The following RABGAP1 variants were observed in gnomAD, a reference collection of about 807,000 sequenced individuals.
RABGAP1 encodes RAB GTPase activating protein 1, also known as rab GTPase-activating protein 1.
Under a neutral mutation model 137.6 loss-of-function variants are expected in RABGAP1, and 23 were observed. The ratio of observed to expected loss-of-function variants is 0.17; its 90% CI spans 0.12 to 0.24. The LOEUF (loss-of-function observed/expected upper bound fraction) is 0.24. Ranked by LOEUF, RABGAP1 falls within the 10% of genes least tolerant of loss-of-function variation. The pLI is 1.00. For synonymous variants in RABGAP1, 451 were observed against 450.7 expected (o/e 1.00, Z -0.01); for missense variants, 906 against 1,275.8 (o/e 0.71, Z 4.42).
intron 2 of RABGAP1, among the ~76,000 whole-genome samples, chr9:122,971,396 C>T (rs1835465052): frequency 6.6e-6 from 1 of 152,140 alleles, no homozygotes; most frequent in African/African-American, 2.4e-5. Flanking sequence ...CATGGTATTT[C>T]CCCAGATAAC....
At chr9:122,971,194 C>G (rs1835451630) in intron 2 of RABGAP1, among the ~76,000 whole-genome samples, 1 of 152,192 alleles carries the variant, frequency 6.6e-6, no homozygotes, top group Non-Finnish European at 1.5e-5. Context: ...CATAAGGAAA[C>G]TTACATTTCT....
intron 3 of RABGAP1, 114 bp downstream of exon 3, chr9:122,984,833 G>A (rs1047321666): frequency 1.4e-5 from 13 of 909,606 alleles, no homozygotes; most frequent in Non-Finnish European, 2.0e-5. Context: ...ACAAAAACAG[G>A]CAAAAACATT....
intron 2 of RABGAP1, among the ~76,000 whole-genome samples, chr9:122,975,730 T>C (rs1219737758): frequency 6.6e-6 from 1 of 152,140 alleles, no homozygotes; most frequent in Non-Finnish European, 1.5e-5. Context: ...GGTGTGAGAG[T>C]TAAATGAGAT....
intron 13 of RABGAP1, among the ~76,000 whole-genome samples, chr9:123,051,216 GTTTTTTTTTTTTTTT>G (rs552457119): frequency 0.17 from 5,679 of 34,252 alleles, 1,311 homozygotes; most frequent in East Asian, 0.43. Context: ...ATTCACCTTG[GTTTTTTTTTTTTTTT>G]TTTTTTTTTT....
chr9:123,035,293 C>A (rs148221592), intron 13 of RABGAP1: 1 of 1,614,148 alleles, frequency 6.2e-7, no homozygotes, highest in Non-Finnish European at 8.5e-7. Context: ...TGGGGAAGTG[C>A]AGGCCTGTCC....
rs1210769327 is a variant in RABGAP1 at position 123,074,299 on chromosome 9, C to G, written c.2124C>G (p.Asp708Glu). 2.5e-6 allele frequency: 4 copies of G among 1,613,802 alleles called. No individual in the cohort carries two copies. Among genetic ancestry groups the G allele is most frequent in the Admixed American group, 3.3e-5 (2 of 60,000 alleles). ...TGCTATTTCAGGAATACATTCCTGA[C>G]CTGTACAACCACTTCCTGGATATAA... ...LERLMQEYIP[D>E]LYNHFLDISL... Residue 708 changes from aspartate (D) to glutamate (E), a missense_variant, in exon 17 of 26, where the codon GAC (aspartate) becomes GAG (glutamate). By Grantham distance (45) the Asp-to-Glu change is conservative (BLOSUM62 2). Coordinates refer to ENST00000373647, the MANE Select transcript of RABGAP1 (RefSeq NM_012197.4).
chr9:122,961,945 C>T (rs538767561), intron 2 of RABGAP1, among the ~76,000 whole-genome samples: 3 of 151,956 alleles, frequency 2.0e-5, no homozygotes, highest in East Asian at 1.9e-4. Context: ...AAACCAGAAA[C>T]GATAAATAAG....
intron 13 of RABGAP1, among the ~76,000 whole-genome samples, chr9:123,038,523 A>G (rs1284315386): frequency 6.6e-6 from 1 of 151,882 alleles, no homozygotes; most frequent in East Asian, 1.9e-4. Context: ...TTGACTTGGT[A>G]TAGGAATTGT....
chr9:123,027,127 T>TTTA (rs2032020830), intron 13 of RABGAP1, among the ~76,000 whole-genome samples: 1 of 106,432 alleles, frequency 9.4e-6, no homozygotes, highest in East Asian at 2.2e-4. Context: ...TTTTTTTTTT[T>TTTA]GAGACGGACT....
chr9:123,047,946 T>TGAAGAGCACCACAGTCCTGAGCTGCCA, intron 13 of RABGAP1, among the ~76,000 whole-genome samples: 1 of 100,158 alleles, frequency 1.0e-5, no homozygotes, highest in Non-Finnish European at 1.8e-5. Flanking sequence ...TTTTTTTTTT[T>TGAAGAGCACCACAGTCCTGAGCTGCCA]TTTTTTTTTG....
At chr9:122,980,848 C>T (rs1044821421) in intron 2 of RABGAP1, among the ~76,000 whole-genome samples, 1 of 152,086 alleles carries the variant, frequency 6.6e-6, no homozygotes, top group Non-Finnish European at 1.5e-5. Context: ...GGCCCATGTA[C>T]AGAGGTTTTT....
intron 13 of RABGAP1, among the ~76,000 whole-genome samples, chr9:123,042,487 A>C (rs1425708677): frequency 6.6e-6 from 1 of 152,246 alleles, no homozygotes; most frequent in African/African-American, 2.4e-5. Context: ...TAACATTCTC[A>C]GAGAAGATTT....
At chr9:122,972,775 T>A in intron 2 of RABGAP1, among the ~76,000 whole-genome samples, 1 of 152,088 alleles carries the variant, frequency 6.6e-6, no homozygotes, top group East Asian at 1.9e-4. Flanking sequence ...GAAGGCTTCT[T>A]GGAGTTGGTA....
At position 123,103,222 on chromosome 9, in the gene RABGAP1, G is replaced by GC; in HGVS notation, c.*11dup. Reference sequence around the variant, plus strand: ...GGAAAGAGACTTGCTGAGAGCAGCTGCCGCCTCCCGACACCTTCAGAAAAC... The same window carrying GC: ...GGAAAGAGACTTGCTGAGAGCAGCTGCCCGCCTCCCGACACCTTCAGAAAAC... On this transcript the variant is annotated 3_prime_UTR_variant, in exon 26 of 26. Transcript: ENST00000373647. 1 of 1,613,246 alleles carries GC rather than the reference G, an allele frequency of 6.2e-7. No homozygotes were observed. Among genetic ancestry groups the GC allele is most frequent in the Non-Finnish European group, 8.5e-7 (1 of 1,179,688 alleles).
In RABGAP1 at chr9:122,980,508, G is replaced by A. The variant is rs528981839; in HGVS notation, c.151-3977G>A. On this transcript the variant is annotated intron_variant, in intron 2 of 25. Transcript: ENST00000373647. The stretch of plus-strand genomic sequence containing the variant: ...AAGTCAAGAAGAAGAGAGAAAGGGG[G>A]TGACACCAGTCATGCTTGTTTCTTT... Among the ~76,000 whole-genome samples the A allele has an allele frequency of 3.3e-5, 5 of 152,322 alleles. No homozygotes were observed. The East Asian group carries it at 9.6e-4, about 29-fold the overall frequency.
At chr9:123,046,967 A>G (rs1010974120) in intron 13 of RABGAP1, among the ~76,000 whole-genome samples, 5 of 152,212 alleles carry the variant, frequency 3.3e-5, no homozygotes, top group Non-Finnish European at 7.3e-5. Flanking sequence ...AGAGTTAATT[A>G]TTTGCAGAAC....
chr9:123,025,704 T>C lies in RABGAP1; in HGVS notation c.1794+5245T>C, dbSNP rs547566897. Among the ~76,000 whole-genome samples the C allele has an allele frequency of 3.9e-5, 6 of 152,212 alleles. No individual in the cohort carries two copies. In the South Asian group the frequency reaches 1.2e-3, roughly 32 times the overall value. ...CATTTGTAGGTGCTAACTGCTACAA[T>C]AGGGAAAAAGAGAGTGATTTTTACA... is the stretch of plus-strand genomic sequence containing the variant. On this transcript the variant is annotated intron_variant, in intron 13 of 25. Transcript: ENST00000373647.
intron 14 of RABGAP1, among the ~76,000 whole-genome samples, chr9:123,067,709 C>T (rs1384396478): frequency 1.3e-5 from 2 of 152,166 alleles, no homozygotes; most frequent in Admixed American, 1.3e-4. Flanking sequence ...AGTGCTTGGT[C>T]TATAGTAGGT....
chr9:123,052,053 T>C (rs1274288027), intron 13 of RABGAP1, among the ~76,000 whole-genome samples: 6 of 150,726 alleles, frequency 4.0e-5, no homozygotes, highest in Non-Finnish European at 5.9e-5. Context: ...GATCTGCCCA[T>C]GTCGACCTCC....
Sources: gnomAD v4.1 joint callset for allele counts (sites outside exome capture counted in the v4.1 genomes callset) on GRCh38, gnomAD v4.1.1 for gene constraint, MANE v1.5 for transcripts, NCBI Gene and HGNC (gene_info 2026-07-23, HGNC 2026-07-21) for gene names.